Variants in FAM110B observed in about 807,000 individuals in gnomAD.
The protein encoded by FAM110B is family with sequence similarity 110 member B, also known as protein FAM110B.
A neutral mutation model predicts 20.4 loss-of-function variants in FAM110B; 6 were observed. The observed-to-expected ratio is 0.29, with a 90% CI of 0.16 to 0.58. The LOEUF (loss-of-function observed/expected upper bound fraction) is 0.58. Among genes scored for constraint, FAM110B ranks in the 20% least tolerant of loss-of-function variants. FAM110B has a pLI of 0.90. For synonymous variants in FAM110B, 226 were observed against 214.1 expected, an observed-to-expected ratio of 1.06 and a Z score of -0.49; for missense variants, 434 against 498.2, an observed-to-expected ratio of 0.87 and a Z score of 1.23.
chr8:58,008,405 T>C (rs539492039), intron 1 of FAM110B, among the ~76,000 whole-genome samples: 1 of 152,178 alleles, frequency 6.6e-6, no homozygotes, highest in Admixed American at 6.5e-5. Flanking sequence ...AGTACTGGGA[T>C]TACAGGCGTG....
At chr8:58,086,466 T>C (rs1270201855) in intron 3 of FAM110B, among the ~76,000 whole-genome samples, 1 of 152,226 alleles carries the variant, frequency 6.6e-6, no homozygotes, top group Non-Finnish European at 1.5e-5. Flanking sequence ...TTTAAAACCA[T>C]TTTATGATTA....
intron 3 of FAM110B, among the ~76,000 whole-genome samples, chr8:58,084,149 T>C (rs539596361): frequency 1.3e-5 from 2 of 152,310 alleles, no homozygotes; most frequent in Admixed American, 1.3e-4. Flanking sequence ...ATTGTGCTTA[T>C]GACCAAGACC....
chr8:58,029,040 G>A (rs1417113850), intron 1 of FAM110B, among the ~76,000 whole-genome samples: 1 of 152,154 alleles, frequency 6.6e-6, no homozygotes, highest in Non-Finnish European at 1.5e-5. Context: ...ACCTAGCACT[G>A]TGCAGCAATA....
At chr8:58,124,007 A>G (rs1426573491) in intron 3 of FAM110B, among the ~76,000 whole-genome samples, 1 of 152,190 alleles carries the variant, frequency 6.6e-6, no homozygotes, top group Non-Finnish European at 1.5e-5. Context: ...TGTTAATTTT[A>G]TATCTTTTAT....
At chr8:58,076,070 G>C (rs1312561883) in intron 3 of FAM110B, among the ~76,000 whole-genome samples, 1 of 152,124 alleles carries the variant, frequency 6.6e-6, no homozygotes, top group East Asian at 1.9e-4. Context: ...TGATCCTGCT[G>C]CCTCCACCTC....
intron 3 of FAM110B, among the ~76,000 whole-genome samples, chr8:58,116,197 C>T (rs1321970141): frequency 6.6e-6 from 1 of 152,220 alleles, no homozygotes; most frequent in East Asian, 1.9e-4. Context: ...TCAAACCCCT[C>T]GGATCATTGC....
At chr8:58,040,359 A>G (rs144073076) in intron 2 of FAM110B, among the ~76,000 whole-genome samples, 2 of 152,318 alleles carry the variant, frequency 1.3e-5, no homozygotes, top group East Asian at 3.9e-4. Flanking sequence ...TTACGAAGAG[A>G]AACTGGTATC....
At chr8:58,096,666 G>A (rs1431056568) in intron 3 of FAM110B, among the ~76,000 whole-genome samples, 2 of 152,192 alleles carry the variant, frequency 1.3e-5, no homozygotes, top group Non-Finnish European at 2.9e-5. Context: ...GTATGTTTTT[G>A]CAGTTGCTGG....
chr8:58,094,587 C>T (rs1339388150), intron 3 of FAM110B, among the ~76,000 whole-genome samples: 5 of 152,194 alleles, frequency 3.3e-5, no homozygotes, highest in Non-Finnish European at 7.3e-5. Flanking sequence ...CCTTGCATCA[C>T]AGGGATGAAG....
At chr8:58,065,289 T>A (rs1457606165) in intron 2 of FAM110B, among the ~76,000 whole-genome samples, 1 of 152,176 alleles carries the variant, frequency 6.6e-6, no homozygotes, top group East Asian at 1.9e-4. Flanking sequence ...ATGGTAGACA[T>A]TACGCTTTAG....
At chr8:58,067,068 G>A (rs985648873) in intron 2 of FAM110B, among the ~76,000 whole-genome samples, 1 of 152,148 alleles carries the variant, frequency 6.6e-6, no homozygotes, top group African/African-American at 2.4e-5. Context: ...AAAGTTACCT[G>A]GAACCCTGGC....
chr8:58,132,037 T>C (rs534646627), intron 3 of FAM110B, among the ~76,000 whole-genome samples: 1 of 152,364 alleles, frequency 6.6e-6, no homozygotes, highest in East Asian at 1.9e-4. Flanking sequence ...GAATATATTC[T>C]AATTTCCTTA....
At chr8:58,026,900 G>A (rs775541530) in intron 1 of FAM110B, among the ~76,000 whole-genome samples, 13 of 152,186 alleles carry the variant, frequency 8.5e-5, no homozygotes, top group Admixed American at 2.0e-4. Flanking sequence ...TTAGTATGGT[G>A]ATGAGGAGAG....
chr8:58,094,283 A>G (rs1806564366), intron 3 of FAM110B, among the ~76,000 whole-genome samples: 4 of 152,226 alleles, frequency 2.6e-5, no homozygotes, highest in South Asian at 4.1e-4. Flanking sequence ...TTCCAACACT[A>G]TGTCGAATAA....
chr8:58,010,522 A>AT (rs1804510141), intron 1 of FAM110B, among the ~76,000 whole-genome samples: 1 of 152,194 alleles, frequency 6.6e-6, no homozygotes, highest in Admixed American at 6.5e-5. Context: ...GGGCTCATTC[A>AT]TTGAATACAT....
rs1803901993 is a variant in FAM110B, at chr8:58,147,800, A to T, written c.*457A>T. On this transcript the variant is annotated 3_prime_UTR_variant, in exon 4 of 4. Transcript: ENST00000519262. Reference sequence around the variant, plus strand: ...GTAAATGGGATCTGCTACCAAACAGATAATGACTGACCGAACATAGAACCA... The same window carrying T: ...GTAAATGGGATCTGCTACCAAACAGTTAATGACTGACCGAACATAGAACCA... 1 of 174,566 alleles carries T rather than the reference A, an allele frequency of 5.7e-6. No individual in the cohort carries two copies. Among genetic ancestry groups the T allele is most frequent in the Non-Finnish European group, 1.4e-5 (1 of 72,866 alleles). 10.8% of individuals were successfully genotyped at this position (174,566 alleles called of 1,614,324 possible).
chr8:58,079,276 A>G (rs1280456600), intron 3 of FAM110B, among the ~76,000 whole-genome samples: 2 of 152,320 alleles, frequency 1.3e-5, no homozygotes, highest in African/African-American at 2.4e-5. Context: ...TTTTTTAAAA[A>G]GAGGAGGAGG....
chr8:58,038,884 C>T (rs940084798), intron 2 of FAM110B, among the ~76,000 whole-genome samples: 1 of 152,220 alleles, frequency 6.6e-6, no homozygotes, highest in African/African-American at 2.4e-5. Flanking sequence ...CAGGAATTTC[C>T]TAAACAGCTG....
rs1039964865 is a variant in FAM110B at position 58,039,975 on chromosome 8, A to G, written c.-414+8272A>G. Among the ~76,000 whole-genome samples, 3 of 151,732 alleles carry G rather than the reference A, an allele frequency of 2.0e-5. No homozygotes were observed. The East Asian group carries it at 5.9e-4, about 30-fold the overall frequency. ...ATTTTGAATATTTAAAATTTTTTTA[A>G]TTAAATTTTTAAATCTTTTACATTT... On this transcript the variant is annotated intron_variant, in intron 2 of 3. Transcript: ENST00000519262.
Sources: allele counts gnomAD v4.1 joint callset (sites outside exome capture counted in the v4.1 genomes callset), GRCh38; gene constraint gnomAD v4.1.1; transcripts MANE v1.5; gene names NCBI Gene and HGNC (gene_info 2026-07-23, HGNC 2026-07-21).